PTPRE: variants seen among roughly 807,000 people sequenced by gnomAD.
PTPRE encodes the protein receptor-type tyrosine-protein phosphatase epsilon.
PTPRE carries 51 observed loss-of-function variants against 102.0 expected under a neutral mutation model. The observed-to-expected ratio is 0.50, with a 90% CI of 0.40 to 0.63. The LOEUF is 0.63. Among genes scored for constraint, PTPRE ranks in the 30% least tolerant of loss-of-function variants. PTPRE has a pLI of 0.00. For synonymous variants in PTPRE, 345 were observed against 348.2 expected (o/e 0.99, Z 0.10); for missense variants, 752 against 915.1 (o/e 0.82, Z 2.30).
At chr10:128,022,960 A>C (rs986920440) in intron 2 of PTPRE, among the ~76,000 whole-genome samples, 2 of 152,324 alleles carry the variant, frequency 1.3e-5, no homozygotes, top group South Asian at 4.1e-4. Context: ...AGACAATGAA[A>C]ATGACTCTGA....
intron 2 of PTPRE, among the ~76,000 whole-genome samples, chr10:128,023,834 T>G (rs1366214060): frequency 6.6e-6 from 1 of 152,246 alleles, no homozygotes; most frequent in Non-Finnish European, 1.5e-5. Flanking sequence ...AGGGCACGCT[T>G]TCGTGATCAT....
At chr10:128,029,676 A>G (rs1401668503) in intron 2 of PTPRE, among the ~76,000 whole-genome samples, 1 of 152,048 alleles carries the variant, frequency 6.6e-6, no homozygotes, top group African/African-American at 2.4e-5. Flanking sequence ...AAAAACGTCT[A>G]TTTTCCAGCT....
Position 128,049,569 on chromosome 10 carries a change from G to A in PTPRE, c.323G>A (p.Gly108Glu). The A allele has an allele frequency of 6.2e-7, 1 of 1,613,912 alleles. No individual in the cohort carries two copies. Among genetic ancestry groups the A allele is most frequent in the Non-Finnish European group, 8.5e-7 (1 of 1,180,022 alleles). ...ATGCTGCTCAGCAGGTCACCCTCAG[G>A]GCCCAAGAAGTATTTTCCCATCCCC... is the stretch of plus-strand genomic sequence containing the variant. Reference protein sequence around the residue: ...RVMLLSRSPSGPKKYFPIPVE... With the variant: ...RVMLLSRSPSEPKKYFPIPVE... The change falls in exon 6 of 21, where the codon GGG (glycine) becomes GAG (glutamate). Residue 108 changes from glycine to glutamate, a missense_variant. By Grantham distance (98) the Gly-to-Glu change is moderately conservative. Around this residue, in one of 2 missense-constraint regions of PTPRE, gnomAD observed 636 missense variants for 824.4 expected, o/e 0.77. Transcript: ENST00000254667.
At position 127,986,023 on chromosome 10, in the gene PTPRE, G is replaced by A. The variant is rs547943426; in HGVS notation, c.-8+3727G>A. On this transcript the variant is annotated intron_variant, in intron 2 of 20. Coordinates refer to ENST00000254667, the MANE Select transcript of PTPRE (RefSeq NM_006504.6). ...TGAGAATTGCTTAAACCTTGGAGGC[G>A]GAGGTTGCAGCGAGCCAAGATCACA... is the stretch of plus-strand genomic sequence containing the variant. Among the ~76,000 whole-genome samples, 33 of 152,182 alleles carry A rather than the reference G, an allele frequency of 2.2e-4. No homozygotes were observed. In the South Asian group the frequency reaches 4.4e-3, roughly 20 times the overall value.
intron 1 of PTPRE, among the ~76,000 whole-genome samples, chr10:127,937,937 C>A (rs543389389): frequency 1.3e-5 from 2 of 151,686 alleles, no homozygotes; most frequent in Non-Finnish European, 2.9e-5. Flanking sequence ...ATCTCTGTGG[C>A]GTGTGACCTG....
chr10:128,078,491 T>C lies in PTPRE; in HGVS notation c.1892+708T>C, dbSNP rs191026156. On this transcript the variant is annotated intron_variant, in intron 19 of 20. Transcript: ENST00000254667. The stretch of plus-strand genomic sequence containing the variant: ...CGGCAAGGTTCTTCCAAGCAGGAGC[T>C]TGGGGTGTTTCTATCCTTGGGTGGT... Among the ~76,000 whole-genome samples, 470 of 152,346 alleles carry C rather than the reference T, an allele frequency of 3.1e-3. 3 individuals are homozygous for C. The highest frequency in any genetic ancestry group is 0.011 in the African/African-American group (445 of 41,582).
In PTPRE at chr10:127,926,804, CTTTTTTT is replaced by C. The variant is rs150223324; in HGVS notation, c.-31+19514_-31+19520del. 5.7e-3 allele frequency among the ~76,000 whole-genome samples: 472 copies of C among 82,682 alleles called. 3 individuals carry two copies. The highest frequency in any genetic ancestry group is 0.022 in the African/African-American group (429 of 19,362). The allele number at this position is 82,682 out of a possible 152,430, so 54.2% of individuals were successfully genotyped here. On this transcript the variant is annotated intron_variant, in intron 1 of 20. Transcript: ENST00000254667. The stretch of plus-strand genomic sequence containing the variant: ...GAGAGACCAAGGGAAAGAGAGTTGT[CTTTTTTT>C]TTTTTTTTTTTTTTTTTTGAGATAG...
chr10:127,983,366 A>G (rs981531315), intron 2 of PTPRE, among the ~76,000 whole-genome samples: 1 of 152,204 alleles, frequency 6.6e-6, no homozygotes, highest in Non-Finnish European at 1.5e-5. Context: ...CCATTGCATC[A>G]TTATAAGACG....
chr10:127,929,657 G>C (rs1307603524), intron 1 of PTPRE: 1 of 152,170 alleles, frequency 6.6e-6, no homozygotes, highest in African/African-American at 2.4e-5. Context: ...AGAGTTTGTG[G>C]GTAGAGTTCA....
chr10:128,051,244 A>G (rs562341168), intron 6 of PTPRE, among the ~76,000 whole-genome samples: 128 of 152,098 alleles, frequency 8.4e-4, no homozygotes, highest in African/African-American at 2.9e-3. Context: ...AGAGGGGGCC[A>G]CTCCCAGGGA....
At chr10:128,079,208 C>T (rs1327183217) in intron 19 of PTPRE, among the ~76,000 whole-genome samples, 1 of 152,126 alleles carries the variant, frequency 6.6e-6, no homozygotes. Flanking sequence ...CTGGCAAGTT[C>T]CCAGGTGCCA....
intron 1 of PTPRE, among the ~76,000 whole-genome samples, chr10:127,918,545 C>T (rs1350419111): frequency 2.0e-4 from 28 of 142,358 alleles, no homozygotes; most frequent in African/African-American, 6.6e-4. Context: ...GGCGACAGAG[C>T]GAGACTCCAT....
rs1554903007 is a variant in PTPRE, at chr10:127,968,009, G to GGGGT, written c.-30-14264_-30-14263insGGTG. ...TGAATGCCTCCCAGGTTGCTCTATA[G>GGGGT]GTGTGTGTGTGTGTGTGTGTGTGTG... On this transcript the variant is annotated intron_variant, in intron 1 of 20. Transcript: ENST00000254667. 2.0e-4 allele frequency among the ~76,000 whole-genome samples: 29 copies of GGGGT among 143,226 alleles called. 1 individual carries two copies. The allele number at this position is 143,226 out of a possible 152,430, so 94.0% of individuals were successfully genotyped here.
intron 1 of PTPRE, among the ~76,000 whole-genome samples, chr10:127,953,546 G>A (rs750784605): frequency 3.9e-5 from 6 of 152,190 alleles, no homozygotes; most frequent in East Asian, 1.9e-4. Flanking sequence ...AAATGGAAGC[G>A]GTGTATATAT....
intron 2 of PTPRE, among the ~76,000 whole-genome samples, chr10:128,002,939 C>T (rs1349110414): frequency 6.6e-6 from 1 of 152,138 alleles, no homozygotes; most frequent in Non-Finnish European, 1.5e-5. Flanking sequence ...AGTGATCCCC[C>T]TGCCTTGGCT....
chr10:127,989,505 G>A (rs914142634), intron 2 of PTPRE, among the ~76,000 whole-genome samples: 1 of 152,186 alleles, frequency 6.6e-6, no homozygotes, highest in African/African-American at 2.4e-5. Flanking sequence ...GGAAAACAGA[G>A]ACCCAGGCAG....
intron 7 of PTPRE, among the ~76,000 whole-genome samples, chr10:128,060,023 CCACA>C (rs1849398872): frequency 1.3e-5 from 2 of 149,738 alleles, no homozygotes; most frequent in South Asian, 2.1e-4. Flanking sequence ...ACCACACACT[CCACA>C]CAAACATATC....
At chr10:127,994,441 T>C (rs4750927) in intron 2 of PTPRE, among the ~76,000 whole-genome samples, 150,764 of 152,346 alleles carry the variant, frequency 0.99, 74,599 homozygotes, top group East Asian at 1. Flanking sequence ...TTTACCCATT[T>C]TCTCACCCGC....
intron 15 of PTPRE, chr10:128,071,278 C>T (rs1313440104): frequency 1.5e-5 from 4 of 269,704 alleles, no homozygotes; most frequent in Non-Finnish European, 2.9e-5. Flanking sequence ...GGCCCGCCTC[C>T]CCCTTACACA....
Sources: allele counts gnomAD v4.1 joint callset (sites outside exome capture counted in the v4.1 genomes callset), GRCh38; gene constraint gnomAD v4.1.1; regional missense constraint gnomAD v4.1.1; transcripts MANE v1.5; gene names NCBI Gene and HGNC (gene_info 2026-07-23, HGNC 2026-07-21).